The following PBX1 variants were observed in gnomAD, a reference collection of about 807,000 sequenced individuals.
PBX1 encodes the protein pre-B-cell leukemia transcription factor 1.
PBX1 carries 6 observed loss-of-function variants against 53.4 expected under a neutral mutation model. That is an observed-to-expected ratio of 0.11 (90% CI 0.06 to 0.22). The LOEUF (loss-of-function observed/expected upper bound fraction) is 0.22. Among genes scored for constraint, PBX1 ranks in the 10% least tolerant of loss-of-function variants. The pLI, the probability that PBX1 is intolerant of heterozygous loss-of-function variation, is 1.00. For synonymous variants in PBX1, 204 were observed against 212.3 expected, an observed-to-expected ratio of 0.96 and a Z score of 0.34; for missense variants, 251 against 551.4, an observed-to-expected ratio of 0.46 and a Z score of 5.46.
rs1671589161 is a variant in PBX1, at chr1:164,846,750, A to G, written c.*74A>G. On this transcript the variant is annotated 3_prime_UTR_variant, in exon 9 of 9. Transcript: ENST00000420696. ...GGGCAGGAGGGAGGGTTTCTCTCCC[A>G]ACGCTGAAGCGGTCAGACTGGAGGT... is the stretch of plus-strand genomic sequence containing the variant. 6.2e-7 allele frequency: 1 copy of G among 1,611,810 alleles called. No individual in the cohort carries two copies. Among genetic ancestry groups the G allele is most frequent in the East Asian group, 2.2e-5 (1 of 44,768 alleles).
At chr1:164,800,672 A>T (rs922388803) in intron 4 of PBX1, among the ~76,000 whole-genome samples, 1 of 152,202 alleles carries the variant, frequency 6.6e-6, no homozygotes, top group Non-Finnish European at 1.5e-5. Context: ...AATAGTCGTC[A>T]TATCTTTCAT....
chr1:164,717,072 A>G (rs1481757325), intron 2 of PBX1, among the ~76,000 whole-genome samples: 1 of 152,188 alleles, frequency 6.6e-6, no homozygotes, highest in Non-Finnish European at 1.5e-5. Flanking sequence ...CGAACGCAGA[A>G]TGGTCAGAAA....
intron 2 of PBX1, among the ~76,000 whole-genome samples, chr1:164,779,122 C>A (rs1667813318): frequency 1.3e-5 from 2 of 150,238 alleles, no homozygotes; most frequent in African/African-American, 2.5e-5. Flanking sequence ...CGGCTCACTG[C>A]AAGTCAAAGG....
At chr1:164,768,448 C>G (rs968905688) in intron 2 of PBX1, among the ~76,000 whole-genome samples, 1 of 152,168 alleles carries the variant, frequency 6.6e-6, no homozygotes, top group South Asian at 2.1e-4. Context: ...GAGGGGAGAC[C>G]CTACTATTAA....
intron 2 of PBX1, chr1:164,631,074 T>C (rs1233734410): frequency 1.3e-5 from 2 of 152,172 alleles, no homozygotes; most frequent in Non-Finnish European, 2.9e-5. Context: ...AGTAATATAT[T>C]AACCTTACTG....
chr1:164,859,078 A>G (rs1672038014), intron 2 of PBX1, among the ~76,000 whole-genome samples: 1 of 152,212 alleles, frequency 6.6e-6, no homozygotes, highest in Non-Finnish European at 1.5e-5. Context: ...GCTTCTTACC[A>G]ACCAATACAA....
intron 2 of PBX1, among the ~76,000 whole-genome samples, chr1:164,776,976 AGAGGAGGTG>A (rs1667698529): frequency 7.6e-5 from 5 of 66,128 alleles, no homozygotes; most frequent in African/African-American, 1.8e-4. Context: ...AGAGAGAGAG[AGAGGAGGTG>A]TGGGGGGGCG....
In PBX1 at chr1:164,724,287, C is replaced by T. The variant is rs79919167; in HGVS notation, c.266-68207C>T. On this transcript the variant is annotated intron_variant, in intron 2 of 8. Transcript: ENST00000420696. ...CTTCCAGGCCCATGGATTTCTCACC[C>T]GTAAGTGCTCTTTCTCTTTCTCCCT... 1.6e-4 allele frequency among the ~76,000 whole-genome samples: 25 copies of T among 152,254 alleles called. No individual in the cohort carries two copies. In the East Asian group the frequency reaches 4.2e-3, roughly 26 times the overall value.
At chr1:164,843,657 G>A (rs1053999846) in intron 8 of PBX1, among the ~76,000 whole-genome samples, 6 of 152,172 alleles carry the variant, frequency 3.9e-5, no homozygotes, top group Non-Finnish European at 4.4e-5. Context: ...TATAATGCTG[G>A]TTTTGAGATT....
At chr1:164,670,350 A>G (rs1264255734) in intron 2 of PBX1, among the ~76,000 whole-genome samples, 1 of 152,162 alleles carries the variant, frequency 6.6e-6, no homozygotes, top group Non-Finnish European at 1.5e-5. Flanking sequence ...TTTCCAGGAG[A>G]ATACCCTGGT....
At chr1:164,686,296 A>G (rs1407481047) in intron 2 of PBX1, among the ~76,000 whole-genome samples, 1 of 152,146 alleles carries the variant, frequency 6.6e-6, no homozygotes, top group African/African-American at 2.4e-5. Context: ...TAAACTGTTC[A>G]CCCATTTCCC....
At chr1:164,795,647 ATTAG>A (rs1668744373) in intron 3 of PBX1, among the ~76,000 whole-genome samples, 1 of 152,206 alleles carries the variant, frequency 6.6e-6, no homozygotes, top group African/African-American at 2.4e-5. Context: ...ATTTATTAAT[ATTAG>A]TTGTGTTAAT....
chr1:164,651,930 G>GGTGTGTGTGTGTGTGTGTGT (rs57772161), intron 2 of PBX1: 2 of 144,080 alleles, frequency 1.4e-5, no homozygotes, highest in East Asian at 2.1e-4. Context: ...ATGGAGGGAG[G>GGTGTGTGTGTGTGTGTGTGT]GTGTGTGTGT....
intron 2 of PBX1, among the ~76,000 whole-genome samples, chr1:164,781,661 C>CCGATACCCTCA (rs1369950009): frequency 6.6e-6 from 1 of 152,110 alleles, no homozygotes; most frequent in Non-Finnish European, 1.5e-5. Context: ...TCAAGGGCAC[C>CCGATACCCTCA]CGATACCCTC....
chr1:164,592,970 T>TA (rs71097538), intron 2 of PBX1, among the ~76,000 whole-genome samples: 18,836 of 150,796 alleles, frequency 0.12, 1,684 homozygotes, highest in East Asian at 0.4. Flanking sequence ...TTTTTTTTTT[T>TA]AATTTGAGAC....
chr1:164,704,724 G>A (rs976773394), intron 2 of PBX1, among the ~76,000 whole-genome samples: 1 of 152,054 alleles, frequency 6.6e-6, no homozygotes, highest in Non-Finnish European at 1.5e-5. Flanking sequence ...TACTTTATTT[G>A]CTTTTAACAC....
intron 2 of PBX1, among the ~76,000 whole-genome samples, chr1:164,604,079 T>A (rs1414342307): frequency 6.6e-6 from 1 of 151,888 alleles, no homozygotes; most frequent in East Asian, 1.9e-4. Context: ...TAGCTGGGAC[T>A]ATAGGTGTGT....
intron 2 of PBX1, among the ~76,000 whole-genome samples, chr1:164,754,764 T>C (rs1252010799): frequency 6.6e-6 from 1 of 152,192 alleles, no homozygotes; most frequent in Non-Finnish European, 1.5e-5. Context: ...CGTGATTTTT[T>C]TGTGTTAAGT....
Position 164,823,784 on chromosome 1 carries a change from A to AT in PBX1, c.1200+2167dup, listed in dbSNP as rs546034359. 3.7e-3 allele frequency among the ~76,000 whole-genome samples: 562 copies of AT among 151,700 alleles called. 2 individuals are homozygous for AT. Among genetic ancestry groups the AT allele is most frequent in the South Asian group, 9.8e-3 (47 of 4,784 alleles). On this transcript the variant is annotated intron_variant, in intron 8 of 8. Coordinates refer to ENST00000420696, the MANE Select transcript of PBX1 (RefSeq NM_002585.4). Reference sequence around the variant, plus strand: ...TGAAAGAGTCTCTCACTTTGCATTAATTTTTTTTTCCATGAACTGTGGTTA... The same window carrying AT: ...TGAAAGAGTCTCTCACTTTGCATTAATTTTTTTTTTCCATGAACTGTGGTTA...
Sources: gnomAD v4.1 joint callset for allele counts (sites outside exome capture counted in the v4.1 genomes callset) on GRCh38, gnomAD v4.1.1 for gene constraint, MANE v1.5 for transcripts, NCBI Gene and HGNC (gene_info 2026-07-23, HGNC 2026-07-21) for gene names.